Variants in SEC61A1 observed in about 807,000 individuals in gnomAD.
SEC61A1 encodes the protein protein transport protein Sec61 subunit alpha isoform 1.
Under a neutral mutation model 55.2 loss-of-function variants are expected in SEC61A1, and 15 were observed. The observed-to-expected ratio is 0.27, with a 90% confidence interval of 0.18 to 0.42. SEC61A1 has a LOEUF of 0.42. SEC61A1 is among the 10% of genes least tolerant of loss of function. The pLI, the probability that SEC61A1 is intolerant of heterozygous loss-of-function variation, is 1.00. For missense variants in SEC61A1, 284 were observed against 602.6 expected (o/e 0.47, Z 5.53); for synonymous variants, 247 against 234.0 (o/e 1.06, Z -0.51).
intron 2 of SEC61A1, 85 bp downstream of exon 2, chr3:128,052,987 A>G (rs1217760494): frequency 9.7e-7 from 1 of 1,031,092 alleles, no homozygotes; most frequent in Non-Finnish European, 1.5e-6. Flanking sequence ...AAATGGCTTC[A>G]GCACGGCAAT....
intron 8 of SEC61A1, chr3:128,066,520 T>G (rs1204439734): frequency 5.8e-6 from 1 of 173,604 alleles, no homozygotes; most frequent in African/African-American, 2.4e-5. Flanking sequence ...CCTCCCAGGC[T>G]CAAGTGATTG....
rs772190317 is a variant in SEC61A1, at chr3:128,060,490, AT to A, written c.463-13del. 2.9e-5 allele frequency: 46 copies of A among 1,613,676 alleles called. No individual in the cohort carries two copies. Among genetic ancestry groups the A allele is most frequent in the Non-Finnish European group, 3.8e-5 (45 of 1,179,738 alleles). ...GGGGAGCAGTAACACATAGTCTTGTATTTTTGAATTTTTACAGCTCTTTGTT... is the reference window on the plus strand; with the variant it reads ...GGGGAGCAGTAACACATAGTCTTGTATTTTGAATTTTTACAGCTCTTTGTT... On this transcript the variant is annotated splice_polypyrimidine_tract_variant and intron_variant, in intron 6 of 11. Transcript: ENST00000243253.
In SEC61A1 at chr3:128,067,321, G is replaced by A. The variant is rs536132391; in HGVS notation, c.976-100G>A. 9.9e-5 allele frequency: 134 copies of A among 1,354,562 alleles called. 1 individual carries two copies. In the African/African-American group the frequency reaches 1.3e-3, roughly 13 times the overall value. 83.9% of individuals were successfully genotyped at this position (1,354,562 alleles called of 1,614,324 possible). On this transcript the variant is annotated intron_variant, in intron 9 of 11. Coordinates refer to ENST00000243253, the MANE Select transcript of SEC61A1 (RefSeq NM_013336.4). This position sits in a 1 kb window ranked among gnomAD's most constrained non-coding sequence, Gnocchi z 4.1. ...GTAAAAAAATTGTACTGTGGGCACC[G>A]AGTAAAATTGCATTCTTTCATCTGC...
rs1328224308 is a variant in SEC61A1, at chr3:128,067,692, A to G, written c.1167+80A>G. 4 of 1,158,132 alleles carry G rather than the reference A, an allele frequency of 3.5e-6. No homozygotes were observed. Among genetic ancestry groups the G allele is most frequent in the South Asian group, 1.4e-5 (1 of 69,304 alleles). 71.7% of individuals were successfully genotyped at this position (1,158,132 alleles called of 1,614,324 possible). On this transcript the variant is annotated intron_variant, in intron 10 of 11. Transcript: ENST00000243253. The surrounding 1 kb of genome is among the most constrained non-coding windows in gnomAD (Gnocchi z 4.1). ...GGTGTGGACTTGTCACCTCATCATAAATAATGGTCTGTGACGTGTGCAGAT... is the reference window on the plus strand; with the variant it reads ...GGTGTGGACTTGTCACCTCATCATAGATAATGGTCTGTGACGTGTGCAGAT...
At chr3:128,060,049 T>C (rs1941831061) in intron 5 of SEC61A1, 53 bp from the exon 6 acceptor site, 1 of 1,322,122 alleles carries the variant, frequency 7.6e-7, no homozygotes, top group African/African-American at 1.5e-5. Flanking sequence ...TAATTGTTTC[T>C]TTTGTTCTGT....
intron 7 of SEC61A1, among the ~76,000 whole-genome samples, chr3:128,062,078 A>G (rs564382284): frequency 4.3e-4 from 66 of 152,324 alleles, no homozygotes; most frequent in African/African-American, 1.3e-3. Context: ...GGAGGAAGCA[A>G]GTTGAGAGAG....
At chr3:128,063,301 T>C (rs1941877623) in intron 7 of SEC61A1, among the ~76,000 whole-genome samples, 1 of 152,242 alleles carries the variant, frequency 6.6e-6, no homozygotes, top group Admixed American at 6.5e-5. Flanking sequence ...GTAAAATTAA[T>C]TGTACTCCAA....
At chr3:128,066,453 CGTT>C (rs1291931981) in intron 8 of SEC61A1, among the ~76,000 whole-genome samples, 1 of 151,996 alleles carries the variant, frequency 6.6e-6, no homozygotes, top group Non-Finnish European at 1.5e-5. Context: ...GACAGGGTCT[CGTT>C]GTGTTGCTTA....
At chr3:128,068,462 C>T (rs985061773) in intron 11 of SEC61A1, among the ~76,000 whole-genome samples, 1 of 152,152 alleles carries the variant, frequency 6.6e-6, no homozygotes, top group African/African-American at 2.4e-5. Context: ...GGCATCTGAG[C>T]GCATTTTGGG....
upstream of SEC61A1, chr3:128,051,952 G>A (rs893023685): frequency 1.1e-5 from 16 of 1,449,690 alleles, no homozygotes; most frequent in African/African-American, 1.5e-4. Flanking sequence ...AGGTAATGAC[G>A]GAGACCTACT....
chr3:128,062,184 G>A (rs6781280), intron 7 of SEC61A1, among the ~76,000 whole-genome samples: 152,344 of 152,354 alleles, frequency 1, 76,167 homozygotes, highest in Non-Finnish European at 1. Context: ...TCAGTTGCTC[G>A]TGTTTGGGAC....
Position 128,067,147 on chromosome 3 carries a change from G to A in SEC61A1, c.971G>A (p.Trp324Ter), listed in dbSNP as rs1942004273. Residue 324 changes from tryptophan (W) to a stop codon, truncating the protein, a stop_gained, in exon 9 of 12, where the codon TGG (tryptophan) becomes TAG (stop). Coordinates refer to ENST00000243253, the MANE Select transcript of SEC61A1 (RefSeq NM_013336.4). LOFTEE classifies it high-confidence loss of function. The surrounding 1 kb of genome is among the most constrained non-coding windows in gnomAD (Gnocchi z 4.1). ...GNLLVSLLGT[W>*]SDTSSGGPAR... ...TTGCTGGTCAGCCTGCTGGGCACCTGGTCGGTAAGTAGGCTCTTTGAAGAT... is the reference window on the plus strand; with the variant it reads ...TTGCTGGTCAGCCTGCTGGGCACCTAGTCGGTAAGTAGGCTCTTTGAAGAT... The A allele has an allele frequency of 1.2e-6, 2 of 1,614,128 alleles. No homozygotes were observed. The highest frequency in any genetic ancestry group is 1.3e-5 in the African/African-American group (1 of 75,044).
At position 128,060,559 on chromosome 3, in the gene SEC61A1, G is replaced by C. The variant is rs1360482806; in HGVS notation, c.514G>C (p.Gly172Arg). Residue 172 changes from glycine (G) to arginine (R), a missense_variant, in exon 7 of 12, where the codon GGA becomes CGA. Coordinates refer to ENST00000243253, the MANE Select transcript of SEC61A1 (RefSeq NM_013336.4). The part of the protein sequence containing the change: ...VLLLDELLQK[G>R]YGLGSGISLF... ...ACTTTTGGATGAACTCCTGCAAAAA[G>C]GATATGGCCTTGGCTCTGGTATTTC... is the stretch of plus-strand genomic sequence containing the variant. 6.2e-7 allele frequency: 1 copy of C among 1,614,026 alleles called. No homozygotes were observed. Among genetic ancestry groups the C allele is most frequent in the Non-Finnish European group, 8.5e-7 (1 of 1,180,030 alleles).
intron 7 of SEC61A1, among the ~76,000 whole-genome samples, chr3:128,063,013 G>A (rs1215363901): frequency 6.6e-6 from 1 of 152,184 alleles, no homozygotes; most frequent in African/African-American, 2.4e-5. Flanking sequence ...TTACCTTTGG[G>A]TTAAAGTGAT....
Position 128,064,818 on chromosome 3 carries a change from T to C in SEC61A1, c.617-59T>C, listed in dbSNP as rs905868588. On this transcript the variant is annotated intron_variant, in intron 7 of 11. Coordinates refer to ENST00000243253, the MANE Select transcript of SEC61A1 (RefSeq NM_013336.4). Reference sequence around the variant, plus strand: ...CTTTTTATTTGTCTGCTAAGAAGGCTAGAAGCAAATTGAGTTGCCTGTTCG... The same window carrying C: ...CTTTTTATTTGTCTGCTAAGAAGGCCAGAAGCAAATTGAGTTGCCTGTTCG... 11 of 1,460,392 alleles carry C rather than the reference T, an allele frequency of 7.5e-6. No individual in the cohort carries two copies. In the South Asian group the frequency reaches 8.0e-5, roughly 11 times the overall value. 90.5% of individuals were successfully genotyped at this position (1,460,392 alleles called of 1,614,324 possible).
chr3:128,069,640 G>A lies in SEC61A1; in HGVS notation c.1409G>A (p.Ser470Asn). 1 of 1,614,126 alleles carries A rather than the reference G, an allele frequency of 6.2e-7. No individual in the cohort carries two copies. Among genetic ancestry groups the A allele is most frequent in the Non-Finnish European group, 8.5e-7 (1 of 1,180,002 alleles). Residue 470 changes from serine (S) to asparagine (N), a missense_variant, in exon 12 of 12, where the codon AGC (serine) becomes AAC (asparagine). Physicochemically the swap from Ser to Asn is conservative, Grantham distance 46 (BLOSUM62 1). Transcript: ENST00000243253. ...GTTAAGGAGCAAAGCGAGGTTGGCA[G>A]CATGGGGGCCCTGCTCTTCTGAGCC... ...IFVKEQSEVG[S>N]MGALLF
intron 7 of SEC61A1, among the ~76,000 whole-genome samples, chr3:128,062,033 G>A (rs1304076088): frequency 1.3e-5 from 2 of 152,234 alleles, no homozygotes; most frequent in Non-Finnish European, 2.9e-5. Flanking sequence ...CCCCAATTAA[G>A]CCATCCTACA....
chr3:128,052,329 G>A (rs1941694260), upstream of SEC61A1: 2 of 488,198 alleles, frequency 4.1e-6, no homozygotes, highest in Middle Eastern at 1.1e-3. Context: ...GCGGCGCGGC[G>A]AAGCGCGGCG....
intron 8 of SEC61A1, chr3:128,066,658 A>G: frequency 2.4e-6 from 1 of 408,804 alleles, no homozygotes; most frequent in Non-Finnish European, 4.4e-6. Flanking sequence ...TTCTGGGCTC[A>G]AGCAATTCTC....
Sources: gnomAD v4.1 joint callset for allele counts (sites outside exome capture counted in the v4.1 genomes callset) on GRCh38, gnomAD v4.1.1 for gene constraint, Gnocchi (gnomAD v3.1) non-coding constraint, MANE v1.5 for transcripts, NCBI Gene and HGNC (gene_info 2026-07-23, HGNC 2026-07-21) for gene names.